Variants in FANCC observed in about 807,000 individuals in gnomAD.
FANCC encodes FA complementation group C.
A neutral mutation model predicts 71.3 loss-of-function variants in FANCC; 55 were observed. That is an observed-to-expected ratio of 0.77 (90% CI 0.62 to 0.97). FANCC has a LOEUF of 0.97. FANCC is among the 50% of genes least tolerant of loss of function. FANCC has a pLI of 0.00. For synonymous variants in FANCC, 275 were observed against 244.9 expected (o/e 1.12, Z -1.15); for missense variants, 678 against 670.9 (o/e 1.01, Z -0.12).
At chr9:95,132,556 C>T (rs1827066734) in intron 8 of FANCC, among the ~76,000 whole-genome samples, 1 of 152,176 alleles carries the variant, frequency 6.6e-6, no homozygotes, top group South Asian at 2.1e-4. Context: ...AGGGCTAATA[C>T]CTCACTTGAT....
intron 4 of FANCC, among the ~76,000 whole-genome samples, chr9:95,177,102 G>A (rs1406544271): frequency 1.3e-5 from 2 of 152,186 alleles, no homozygotes; most frequent in East Asian, 1.9e-4. Context: ...TGCTTCGTTA[G>A]GCAGTTTCTT....
chr9:95,292,586 C>A, intron 1 of FANCC: 1 of 1,462,322 alleles, frequency 6.8e-7, no homozygotes, highest in Non-Finnish European at 9.5e-7. Context: ...GGCCCAACAT[C>A]CTGTGCACCG....
At chr9:95,264,697 C>T (rs772644666) in intron 1 of FANCC, among the ~76,000 whole-genome samples, 3 of 152,026 alleles carry the variant, frequency 2.0e-5, no homozygotes, top group Non-Finnish European at 4.4e-5. Context: ...CTACAAAACA[C>T]ACTAATTATG....
intron 8 of FANCC, among the ~76,000 whole-genome samples, chr9:95,131,362 A>G (rs1270773522): frequency 6.6e-6 from 1 of 152,226 alleles, no homozygotes; most frequent in East Asian, 1.9e-4. Flanking sequence ...TTCACAGCTC[A>G]GCCTGAGTGG....
intron 3 of FANCC, among the ~76,000 whole-genome samples, chr9:95,247,087 T>C (rs1188931366): frequency 1.3e-5 from 2 of 152,190 alleles, no homozygotes; most frequent in African/African-American, 4.8e-5. Context: ...CCATTTTATA[T>C]TGAATTTAAA....
At chr9:95,271,606 G>C (rs1186084707) in intron 1 of FANCC, among the ~76,000 whole-genome samples, 4 of 152,146 alleles carry the variant, frequency 2.6e-5, no homozygotes, top group African/African-American at 9.7e-5. Context: ...CTGTTCTCTT[G>C]ATCCAACAAG....
chr9:95,265,744 T>C (rs2080613392), intron 1 of FANCC, among the ~76,000 whole-genome samples: 1 of 152,194 alleles, frequency 6.6e-6, no homozygotes, highest in South Asian at 2.1e-4. Context: ...CTACAGGTAA[T>C]TTATTACTAC....
chr9:95,181,169 G>C (rs1418054640), intron 4 of FANCC, among the ~76,000 whole-genome samples: 1 of 49,130 alleles, frequency 2.0e-5, no homozygotes, highest in East Asian at 9.8e-4. Flanking sequence ...TTGTGTGTGT[G>C]TGTGTGTGTG....
intron 1 of FANCC, among the ~76,000 whole-genome samples, chr9:95,299,506 T>A (rs1834592107): frequency 6.6e-6 from 1 of 152,204 alleles, no homozygotes; most frequent in African/African-American, 2.4e-5. Flanking sequence ...AGAATAGGTT[T>A]TATCCCTTAG....
chr9:95,120,324 T>C (rs536249037), intron 10 of FANCC, among the ~76,000 whole-genome samples: 3 of 152,328 alleles, frequency 2.0e-5, no homozygotes, highest in Middle Eastern at 3.4e-3. Context: ...TGGCCACATA[T>C]GTATGGGTCT....
chr9:95,111,408 CCT>C, intron 13 of FANCC, 53 bp downstream of exon 13: 1 of 1,598,860 alleles, frequency 6.3e-7, no homozygotes, highest in Non-Finnish European at 8.5e-7. Flanking sequence ...TCTGCAAGCT[CCT>C]CTCAGCCCCC....
In FANCC at chr9:95,135,484, G is replaced by A. The variant is rs141828876; in HGVS notation, c.705C>T (p.Pro235=). The A allele has an allele frequency of 8.2e-4, 1,316 of 1,613,924 alleles. 1 individual carries two copies. The highest frequency in any genetic ancestry group is 1.1e-3 in the Non-Finnish European group (1,276 of 1,179,940). Residue 235 remains proline (P), a synonymous_variant, in exon 8 of 15, where the codon CCC becomes CCT. Transcript: ENST00000289081. ...EAILLKKISL[P]MSAVVCLWLR... ...GCCAGAGGCAGACTACAGCTGACAT[G>A]GGGAGAGAAATCTTCTTCCTTTCAG...
intron 6 of FANCC, among the ~76,000 whole-genome samples, chr9:95,151,935 AAAAAAC>A (rs1830199403): frequency 6.6e-6 from 1 of 151,816 alleles, no homozygotes; most frequent in East Asian, 1.9e-4. Flanking sequence ...CTCAAAAAAA[AAAAAAC>A]AAAAAACAAA....
chr9:95,313,729 A>G (rs1042518059), intron 1 of FANCC, among the ~76,000 whole-genome samples: 1 of 152,222 alleles, frequency 6.6e-6, no homozygotes, highest in African/African-American at 2.4e-5. Context: ...TTACTAAGCC[A>G]AATCCAGCAA....
intron 1 of FANCC, among the ~76,000 whole-genome samples, chr9:95,303,508 A>G (rs927435852): frequency 1.3e-5 from 2 of 152,244 alleles, no homozygotes; most frequent in African/African-American, 4.8e-5. Flanking sequence ...TATCACATAC[A>G]TGGTGGCTTA....
Position 95,295,835 on chromosome 9 carries a change from G to A in FANCC, c.-79+21691C>T, listed in dbSNP as rs1345793937. Among the ~76,000 whole-genome samples, 4 of 152,026 alleles carry A rather than the reference G, an allele frequency of 2.6e-5. No homozygotes were observed. In the South Asian group the frequency reaches 8.3e-4, roughly 32 times the overall value. ...GGCTGGCAGGAGGGGAAATTGAGAG[G>A]TGATAGTTAAAGGTACAAAGTTTCA... On this transcript the variant is annotated intron_variant, in intron 1 of 14. Coordinates refer to ENST00000289081, the MANE Select transcript of FANCC (RefSeq NM_000136.3).
chr9:95,272,434 A>AT (rs1001860076), intron 1 of FANCC, among the ~76,000 whole-genome samples: 1 of 152,194 alleles, frequency 6.6e-6, no homozygotes, highest in Non-Finnish European at 1.5e-5. Flanking sequence ...TAAAATGAAC[A>AT]TAAGTTAGCC....
chr9:95,161,864 C>T (rs1453064967), intron 6 of FANCC, among the ~76,000 whole-genome samples: 2 of 129,024 alleles, frequency 1.6e-5, no homozygotes, highest in Non-Finnish European at 3.2e-5. Flanking sequence ...TTTTTTGAGA[C>T]ATAATCTTGC....
rs117540539 is a variant in FANCC, at chr9:95,303,579, T to C, written c.-79+13947A>G. Among the ~76,000 whole-genome samples, 17 of 152,338 alleles carry C rather than the reference T, an allele frequency of 1.1e-4. 2 individuals carry two copies. In the East Asian group the frequency reaches 2.9e-3, roughly 26 times the overall value. ...CTGTAAAGTCCACAATCAAGGCCTA[T>C]TAGGTCCTGTTGAGAGCCCTCTTCC... On this transcript the variant is annotated intron_variant, in intron 1 of 14. Transcript: ENST00000289081.
Sources: allele counts gnomAD v4.1 joint callset (sites outside exome capture counted in the v4.1 genomes callset), GRCh38; gene constraint gnomAD v4.1.1; transcripts MANE v1.5; gene names NCBI Gene and HGNC (gene_info 2026-07-23, HGNC 2026-07-21).